The following PCDH10 variants were observed in gnomAD, a reference collection of about 807,000 sequenced individuals.
PCDH10 encodes the protein protocadherin 10, also known as protocadherin-10.
A neutral mutation model predicts 74.4 loss-of-function variants in PCDH10; 15 were observed. The ratio of observed to expected loss-of-function variants is 0.20; its 90% CI spans 0.13 to 0.31. PCDH10 has a LOEUF of 0.31. PCDH10 is among the 10% of genes least tolerant of loss of function. The probability of loss-of-function intolerance (pLI) is 1.00; values close to 1 mark genes in which losing one functional copy is unlikely to be tolerated. For synonymous variants in PCDH10, 619 were observed against 589.8 expected (o/e 1.05, Z -0.72); for missense variants, 1,260 against 1,390.2 (o/e 0.91, Z 1.49).
At position 133,171,320 on chromosome 4, in the gene PCDH10, C is replaced by G. The variant is rs1727199763; in HGVS notation, c.3103+8038C>G. Among the ~76,000 whole-genome samples the G allele has an allele frequency of 4.6e-5, 7 of 152,166 alleles. No individual in the cohort carries two copies. In the South Asian group the frequency reaches 1.5e-3, roughly 32 times the overall value. On this transcript the variant is annotated intron_variant, in intron 4 of 4. Coordinates refer to ENST00000264360, the MANE Select transcript of PCDH10 (RefSeq NM_032961.3). ...TTGGGCTGAAAATTACCACTTTATTCCATAAAAACATATTTTAAAATGTTT... is the reference window on the plus strand; with the variant it reads ...TTGGGCTGAAAATTACCACTTTATTGCATAAAAACATATTTTAAAATGTTT...
intron 4 of PCDH10, among the ~76,000 whole-genome samples, chr4:133,163,609 G>T (rs1461659988): frequency 6.6e-6 from 1 of 152,016 alleles, no homozygotes; most frequent in Non-Finnish European, 1.5e-5. Context: ...ATGAGAAATA[G>T]AAATATTTTT....
intron 4 of PCDH10, among the ~76,000 whole-genome samples, chr4:133,173,623 T>C (rs1727239637): frequency 6.6e-6 from 1 of 151,980 alleles, no homozygotes; most frequent in Non-Finnish European, 1.5e-5. Flanking sequence ...GAAGAGACAA[T>C]TGAAAAAGCA....
At chr4:133,205,202 A>G (rs188729996) in intron 2 of PCDH10, among the ~76,000 whole-genome samples, 278 of 152,256 alleles carry the variant, frequency 1.8e-3, no homozygotes, top group South Asian at 3.3e-3. Context: ...ACACATAACA[A>G]TGGGCCTTAA....
chr4:133,174,190 C>G (rs1727249252), intron 4 of PCDH10, among the ~76,000 whole-genome samples: 1 of 151,860 alleles, frequency 6.6e-6, no homozygotes, highest in South Asian at 2.1e-4. Context: ...TATTAATCAT[C>G]CAAAGTCATA....
Position 133,151,650 on chromosome 4 carries a change from G to C in PCDH10, c.1510G>C (p.Glu504Gln), listed in dbSNP as rs200246899. Reference sequence around the variant, plus strand: ...CGCCCAGCTTGCCTACTCTATCCTCGAGTGCCAGATCCAGGGCATGAGCGT... The same window carrying C: ...CGCCCAGCTTGCCTACTCTATCCTCCAGTGCCAGATCCAGGGCATGAGCGT... ...ANAQLAYSILECQIQGMSVFT... is the reference protein window; with the variant it reads ...ANAQLAYSILQCQIQGMSVFT... Residue 504 changes from glutamate (E) to glutamine (Q), a missense_variant, in exon 1 of 5, where the codon GAG (glutamate) becomes CAG (glutamine). Around this residue, in one of 11 missense-constraint regions of PCDH10, gnomAD observed 587 missense variants for 616.9 expected, o/e 0.95. Coordinates refer to ENST00000264360, the MANE Select transcript of PCDH10 (RefSeq NM_032961.3). 5.0e-6 allele frequency: 8 copies of C among 1,613,764 alleles called. No individual in the cohort carries two copies. Among genetic ancestry groups the C allele is most frequent in the Non-Finnish European group, 6.8e-6 (8 of 1,180,046 alleles).
intron 4 of PCDH10, among the ~76,000 whole-genome samples, chr4:133,165,296 G>A (rs1727054766): frequency 8.8e-6 from 1 of 114,224 alleles, no homozygotes; most frequent in Non-Finnish European, 1.8e-5. Context: ...ATCATGTCTA[G>A]ACTGGTTTTT....
intron 4 of PCDH10, chr4:133,163,814 CAG>C: frequency 2.6e-6 from 1 of 383,036 alleles, no homozygotes; most frequent in Non-Finnish European, 5.0e-6. Flanking sequence ...AAAGATGAGA[CAG>C]ATTGTAGATA....
intron 4 of PCDH10, among the ~76,000 whole-genome samples, chr4:133,181,805 A>G (rs1727424498): frequency 6.6e-6 from 1 of 152,046 alleles, no homozygotes; most frequent in Admixed American, 6.6e-5. Context: ...AAGTATGTAA[A>G]TAGCCATACA....
chr4:133,194,747 G>A (rs1319820293), downstream of PCDH10: 2 of 151,768 alleles, frequency 1.3e-5, no homozygotes, highest in African/African-American at 4.8e-5. Context: ...CAGGTCTAAG[G>A]GGACATCTGT....
chr4:133,181,734 T>G (rs191226568), intron 4 of PCDH10, among the ~76,000 whole-genome samples: 1 of 152,182 alleles, frequency 6.6e-6, no homozygotes, highest in East Asian at 1.9e-4. Context: ...TTCCTGCTTT[T>G]AAACTTCTGT....
chr4:133,182,008 G>A (rs1727427715), intron 4 of PCDH10, among the ~76,000 whole-genome samples: 1 of 151,970 alleles, frequency 6.6e-6, no homozygotes, highest in Non-Finnish European at 1.5e-5. Flanking sequence ...TTAGCTACGT[G>A]GCTATATGTT....
In PCDH10 at chr4:133,190,264, T is replaced by A; in HGVS notation, c.*104T>A. On this transcript the variant is annotated 3_prime_UTR_variant, in exon 5 of 5. Coordinates refer to ENST00000264360, the MANE Select transcript of PCDH10 (RefSeq NM_032961.3). ...TATCTTGGCCATCCAGTTAGTCATG[T>A]GTAACTGAGTATTAGATTTCGGATG... The A allele has an allele frequency of 2.1e-6, 2 of 972,360 alleles. No homozygotes were observed. The highest frequency in any genetic ancestry group is 3.3e-6 in the Non-Finnish European group (2 of 599,456). The allele number at this position is 972,360 out of a possible 1,614,324, so 60.2% of individuals were successfully genotyped here.
At chr4:133,169,460 G>T (rs536614908) in intron 4 of PCDH10, among the ~76,000 whole-genome samples, 149 of 151,642 alleles carry the variant, frequency 9.8e-4, no homozygotes, top group Non-Finnish European at 1.0e-3. Flanking sequence ...TTTATCTCAC[G>T]CATATTTAGG....
At chr4:133,202,714 G>T (rs755659227) in intron 2 of PCDH10, among the ~76,000 whole-genome samples, 1 of 152,076 alleles carries the variant, frequency 6.6e-6, no homozygotes, top group African/African-American at 2.4e-5. Context: ...CTTATGTTTG[G>T]CCAGTTATGC....
In PCDH10 at chr4:133,191,192, A is replaced by AT. The variant is rs1336554843; in HGVS notation, c.*1036dup. The AT allele has an allele frequency of 2.0e-5, 3 of 152,376 alleles. No individual in the cohort carries two copies. Among genetic ancestry groups the AT allele is most frequent in the Admixed American group, 6.6e-5 (1 of 15,208 alleles). The allele number at this position is 152,376 out of a possible 1,614,324, so 9.4% of individuals were successfully genotyped here. A position where few individuals can be genotyped will look rare whatever the true frequency, so the allele number is the denominator to read the frequency against. On this transcript the variant is annotated 3_prime_UTR_variant, in exon 5 of 5. Coordinates refer to ENST00000264360, the MANE Select transcript of PCDH10 (RefSeq NM_032961.3). Reference sequence around the variant, plus strand: ...TTAGAAAAAAACTGGGTGTCTGTACATTTTGTGGTGTAAAATATGTAATTG... The same window carrying AT: ...TTAGAAAAAAACTGGGTGTCTGTACATTTTTGTGGTGTAAAATATGTAATTG...
intron 4 of PCDH10, among the ~76,000 whole-genome samples, chr4:133,174,348 T>C (rs1727252570): frequency 1.3e-5 from 2 of 151,882 alleles, no homozygotes; most frequent in Admixed American, 1.3e-4. Flanking sequence ...CTTGGTAATG[T>C]GGAAGCATGA....
chr4:133,162,913 C>G, intron 3 of PCDH10, 64 bp from the exon 4 acceptor site: 1 of 1,376,218 alleles, frequency 7.3e-7, no homozygotes, highest in Non-Finnish European at 1.0e-6. Flanking sequence ...TGTAATCTTA[C>G]ACTGCTAAGT....
At chr4:133,196,130 A>T (rs1236082154), downstream of PCDH10, among the ~76,000 whole-genome samples, 2 of 152,200 alleles carry the variant, frequency 1.3e-5, no homozygotes, top group Non-Finnish European at 2.9e-5. Flanking sequence ...TAACAGGTTC[A>T]CCTTGCCCAC....
intron 4 of PCDH10, among the ~76,000 whole-genome samples, chr4:133,181,688 T>A (rs1727421656): frequency 6.6e-6 from 1 of 152,064 alleles, no homozygotes; most frequent in African/African-American, 2.4e-5. Flanking sequence ...CAGTTTTCAA[T>A]GTGTGAACAT....
Sources: allele counts gnomAD v4.1 joint callset (sites outside exome capture counted in the v4.1 genomes callset), GRCh38; gene constraint gnomAD v4.1.1; regional missense constraint gnomAD v4.1.1; transcripts MANE v1.5; gene names NCBI Gene and HGNC (gene_info 2026-07-23, HGNC 2026-07-21).